The following LDLRAD3 variants were observed in gnomAD, a reference collection of about 807,000 sequenced individuals.
LDLRAD3 encodes the protein low-density lipoprotein receptor class A domain-containing protein 3.
A neutral mutation model predicts 29.4 loss-of-function variants in LDLRAD3; 20 were observed. The observed-to-expected ratio is 0.68, with a 90% CI of 0.48 to 0.99. LDLRAD3 has a LOEUF of 0.99. Ranked by LOEUF, LDLRAD3 falls within the 50% of genes least tolerant of loss-of-function variation. LDLRAD3 has a pLI of 0.00. For synonymous variants in LDLRAD3, 157 were observed against 192.7 expected, an observed-to-expected ratio of 0.81 and a Z score of 1.53; for missense variants, 420 against 454.3, an observed-to-expected ratio of 0.92 and a Z score of 0.69.
chr11:36,190,898 C>G (rs1183494100), intron 4 of LDLRAD3, among the ~76,000 whole-genome samples: 4 of 152,200 alleles, frequency 2.6e-5, no homozygotes, highest in Non-Finnish European at 4.4e-5. Flanking sequence ...TGGTGTCAGT[C>G]TTCTCAATAA....
At chr11:36,006,318 C>T (rs548584496) in intron 1 of LDLRAD3, among the ~76,000 whole-genome samples, 1 of 152,330 alleles carries the variant, frequency 6.6e-6, no homozygotes, top group African/African-American at 2.4e-5. Context: ...CTTTTCTACT[C>T]ATTAGCTGGA....
intron 4 of LDLRAD3, among the ~76,000 whole-genome samples, chr11:36,199,585 A>ACACACGCACGCACG (rs771281624): frequency 1.9e-4 from 29 of 150,470 alleles, no homozygotes; most frequent in South Asian, 8.3e-4. Context: ...ACACACACAC[A>ACACACGCACGCACG]CACGCACGCA....
At chr11:36,096,758 G>T (rs1853367729) in intron 3 of LDLRAD3, among the ~76,000 whole-genome samples, 1 of 152,250 alleles carries the variant, frequency 6.6e-6, no homozygotes, top group Admixed American at 6.5e-5. Context: ...TTCTGCTCTT[G>T]CCATCTTGAG....
intron 1 of LDLRAD3, among the ~76,000 whole-genome samples, chr11:35,960,096 G>A (rs1403151569): frequency 6.6e-6 from 1 of 152,134 alleles, no homozygotes; most frequent in Non-Finnish European, 1.5e-5. Flanking sequence ...CCCTTGCATA[G>A]GATTTTAAAG....
At chr11:36,050,190 A>C (rs1008708231) in intron 2 of LDLRAD3, among the ~76,000 whole-genome samples, 3 of 152,192 alleles carry the variant, frequency 2.0e-5, no homozygotes, top group African/African-American at 4.8e-5. Context: ...GGTTTCCATG[A>C]TCTATGTTTT....
intron 1 of LDLRAD3, among the ~76,000 whole-genome samples, chr11:35,961,301 G>T (rs1369443183): frequency 6.6e-6 from 1 of 152,196 alleles, no homozygotes; most frequent in Non-Finnish European, 1.5e-5. Context: ...CCCTTTTCTA[G>T]GCTCCGCTTC....
chr11:36,090,737 G>T (rs1853267949), intron 3 of LDLRAD3, among the ~76,000 whole-genome samples: 1 of 152,170 alleles, frequency 6.6e-6, no homozygotes, highest in Non-Finnish European at 1.5e-5. Flanking sequence ...TTTGCCTCTT[G>T]CCTGCTTGCC....
At chr11:36,146,480 G>T (rs190777123) in intron 4 of LDLRAD3, among the ~76,000 whole-genome samples, 75 of 152,058 alleles carry the variant, frequency 4.9e-4, no homozygotes, top group Non-Finnish European at 9.1e-4. Flanking sequence ...TTGTATATTG[G>T]TTTCCTCAGG....
Position 36,231,633 on chromosome 11 carries a change from T to A in LDLRAD3, c.*2236T>A, listed in dbSNP as rs1855576943. ...ACAAATGGTTTTAGTAGATAAGGGA[T>A]GCCTACTAATGCTTTTTTAAAACAA... On this transcript the variant is annotated 3_prime_UTR_variant, in exon 6 of 6. Coordinates refer to ENST00000315571, the MANE Select transcript of LDLRAD3 (RefSeq NM_174902.4). 6.6e-6 allele frequency: 1 copy of A among 152,244 alleles called. No homozygotes were observed. The highest frequency in any genetic ancestry group is 6.5e-5 in the Admixed American group (1 of 15,280). 9.4% of individuals were successfully genotyped at this position (152,244 alleles called of 1,614,324 possible). A position where few individuals can be genotyped will look rare whatever the true frequency, so the allele number is the denominator to read the frequency against.
intron 1 of LDLRAD3, among the ~76,000 whole-genome samples, chr11:36,024,411 G>A (rs1004078436): frequency 2.0e-5 from 3 of 152,036 alleles, no homozygotes; most frequent in African/African-American, 7.2e-5. Context: ...CAGCAATGCT[G>A]CCAGGGATGT....
At chr11:36,018,991 A>G (rs960354300) in intron 1 of LDLRAD3, among the ~76,000 whole-genome samples, 1 of 152,200 alleles carries the variant, frequency 6.6e-6, no homozygotes, top group Non-Finnish European at 1.5e-5. Flanking sequence ...AGAAAAAAAA[A>G]TCTCGATGGG....
At chr11:36,108,905 G>A (rs1853569163) in intron 4 of LDLRAD3, among the ~76,000 whole-genome samples, 1 of 152,100 alleles carries the variant, frequency 6.6e-6, no homozygotes, top group South Asian at 2.1e-4. Context: ...TTTTAGCCAA[G>A]CAGTAGGGTG....
chr11:36,094,821 G>A (rs528531296), intron 3 of LDLRAD3, among the ~76,000 whole-genome samples: 1 of 152,354 alleles, frequency 6.6e-6, no homozygotes, highest in African/African-American at 2.4e-5. Flanking sequence ...ACAGGTGTGA[G>A]TCACCATGTC....
In LDLRAD3 at chr11:35,944,799, T is replaced by G. The variant is rs187941181; in HGVS notation, c.46+655T>G. On this transcript the variant is annotated intron_variant, in intron 1 of 5. Transcript: ENST00000315571. The surrounding 1 kb of genome is among the most constrained non-coding windows in gnomAD (Gnocchi z 4.9). Reference sequence around the variant, plus strand: ...TCTGACCACCCTACTTGCCCCGCGATGGGCGCCCTGACCGGCGAGGGGCCC... The same window carrying G: ...TCTGACCACCCTACTTGCCCCGCGAGGGGCGCCCTGACCGGCGAGGGGCCC... Among the ~76,000 whole-genome samples, 2 of 152,356 alleles carry G rather than the reference T, an allele frequency of 1.3e-5. No homozygotes were observed. The highest frequency in any genetic ancestry group is 3.9e-4 in the East Asian group (2 of 5,178).
chr11:36,081,823 G>A lies in LDLRAD3; in HGVS notation c.319+45G>A, dbSNP rs374515952. 6.5e-5 allele frequency: 105 copies of A among 1,607,706 alleles called. No homozygotes were observed. The African/African-American group carries it at 1.1e-3, about 17-fold the overall frequency. ...ACACTGTGATCCCTTGTTCTTTCCC[G>A]CCAGCCAAACTTGTCCACATTGGTC... On this transcript the variant is annotated intron_variant, in intron 3 of 5. Coordinates refer to ENST00000315571, the MANE Select transcript of LDLRAD3 (RefSeq NM_174902.4).
At chr11:35,961,647 G>C (rs1481013945) in intron 1 of LDLRAD3, among the ~76,000 whole-genome samples, 2 of 152,158 alleles carry the variant, frequency 1.3e-5, no homozygotes, top group Non-Finnish European at 2.9e-5. Flanking sequence ...AAATGAATGA[G>C]TTTCTACTTA....
intron 1 of LDLRAD3, among the ~76,000 whole-genome samples, chr11:35,993,174 G>T (rs553278240): frequency 6.6e-6 from 1 of 152,272 alleles, no homozygotes; most frequent in East Asian, 1.9e-4. Flanking sequence ...CCATTTCACT[G>T]TGCTAGCTAA....
In LDLRAD3 at chr11:36,036,201, T is replaced by C. The variant is rs1298659272; in HGVS notation, c.145T>C (p.Cys49Arg). ...NGRCIPGAWQCDGLPDCFDKS... is the reference protein window; with the variant it reads ...NGRCIPGAWQRDGLPDCFDKS... ...ACGGTGCATCCCGGGCGCCTGGCAGTGTGACGGGCTGCCTGACTGCTTCGA... is the reference window on the plus strand; with the variant it reads ...ACGGTGCATCCCGGGCGCCTGGCAGCGTGACGGGCTGCCTGACTGCTTCGA... Residue 49 changes from cysteine to arginine, a missense_variant, in exon 2 of 6, where the codon TGT becomes CGT. Cys to Arg is a radical substitution (Grantham distance 180). This residue lies in a region of LDLRAD3 where 224 missense variants were observed against 222.2 expected (regional missense o/e 1.01). Transcript: ENST00000315571. 5 of 1,614,174 alleles carry C rather than the reference T, an allele frequency of 3.1e-6. No homozygotes were observed. The highest frequency in any genetic ancestry group is 1.3e-5 in the African/African-American group (1 of 75,036).
At chr11:35,960,048 CCT>C (rs1851257059) in intron 1 of LDLRAD3, among the ~76,000 whole-genome samples, 1 of 152,116 alleles carries the variant, frequency 6.6e-6, no homozygotes, top group Non-Finnish European at 1.5e-5. Context: ...CCTTTCTGTC[CCT>C]GTTTTTAGTC....
Sources: gnomAD v4.1 joint callset for allele counts (sites outside exome capture counted in the v4.1 genomes callset) on GRCh38, gnomAD v4.1.1 for gene constraint, gnomAD v4.1.1 regional missense constraint, Gnocchi (gnomAD v3.1) non-coding constraint, MANE v1.5 for transcripts, NCBI Gene and HGNC (gene_info 2026-07-23, HGNC 2026-07-21) for gene names.